CACNA2D1: variants seen among roughly 807,000 people sequenced by gnomAD.
The protein encoded by CACNA2D1 is calcium voltage-gated channel auxiliary subunit alpha2delta 1, also known as voltage-dependent calcium channel subunit alpha-2/delta-1.
Under a neutral mutation model 171.5 loss-of-function variants are expected in CACNA2D1, and 53 were observed. The ratio of observed to expected loss-of-function variants is 0.31; its 90% CI spans 0.25 to 0.39. CACNA2D1 has a LOEUF of 0.39. CACNA2D1 is among the 10% of genes least tolerant of loss of function. CACNA2D1 has a pLI of 1.00. For synonymous variants in CACNA2D1, 442 were observed against 443.1 expected (o/e 1.00, Z 0.03); for missense variants, 903 against 1,299.8 (o/e 0.69, Z 4.69).
At chr7:82,102,765 AC>A (rs2129037817) in intron 6 of CACNA2D1, among the ~76,000 whole-genome samples, 1 of 152,234 alleles carries the variant, frequency 6.6e-6, no homozygotes, top group African/African-American at 2.4e-5. Context: ...TGTCACTTCC[AC>A]CTATAACCAA....
chr7:82,328,772 C>T (rs1816942689), intron 3 of CACNA2D1, among the ~76,000 whole-genome samples: 1 of 152,146 alleles, frequency 6.6e-6, no homozygotes, highest in Non-Finnish European at 1.5e-5. Flanking sequence ...TACCAAACTT[C>T]ATGAAAATCC....
intron 38 of CACNA2D1, among the ~76,000 whole-genome samples, chr7:81,954,315 T>C (rs1792958151): frequency 1.3e-5 from 2 of 151,860 alleles, no homozygotes; most frequent in Admixed American, 1.3e-4. Context: ...TATATATATA[T>C]TTATTTTAAA....
At chr7:82,253,593 G>A (rs38557) in intron 3 of CACNA2D1, among the ~76,000 whole-genome samples, 113,464 of 152,088 alleles carry the variant, frequency 0.75, 43,485 homozygotes, top group African/African-American at 0.92. Context: ...GAGAAGTCTT[G>A]AGATACCGGC....
chr7:82,277,936 G>A (rs1435026333), intron 3 of CACNA2D1, among the ~76,000 whole-genome samples: 2 of 151,650 alleles, frequency 1.3e-5, no homozygotes, highest in Non-Finnish European at 2.9e-5. Flanking sequence ...AGTACAGAGA[G>A]GGTTTCACCA....
chr7:82,221,831 G>A (rs1801807491), intron 3 of CACNA2D1, among the ~76,000 whole-genome samples: 1 of 149,186 alleles, frequency 6.7e-6, no homozygotes, highest in Non-Finnish European at 1.5e-5. Context: ...TTCAAGATAA[G>A]TAATAAAATA....
chr7:82,049,848 AT>A (rs1335905281), intron 10 of CACNA2D1, among the ~76,000 whole-genome samples: 3 of 152,360 alleles, frequency 2.0e-5, no homozygotes, highest in Admixed American at 6.5e-5. Flanking sequence ...ATGGCTTTTG[AT>A]AAGACAAGAA....
At chr7:82,123,117 T>TA (rs1033992029) in intron 5 of CACNA2D1, among the ~76,000 whole-genome samples, 2 of 152,132 alleles carry the variant, frequency 1.3e-5, no homozygotes, top group Non-Finnish European at 2.9e-5. Flanking sequence ...TGTAAAGCAT[T>TA]AAAAATATAT....
intron 1 of CACNA2D1, among the ~76,000 whole-genome samples, chr7:82,363,690 C>A (rs571865544): frequency 8.7e-6 from 1 of 115,588 alleles, no homozygotes; most frequent in East Asian, 3.0e-4. Flanking sequence ...CAACTAAGGG[C>A]GAAATAAGTA....
chr7:81,970,102 T>C, intron 27 of CACNA2D1, 118 bp from the exon 28 acceptor site: 1 of 709,374 alleles, frequency 1.4e-6, no homozygotes, highest in Non-Finnish European at 2.6e-6. Context: ...TCTAAAGAAG[T>C]TAGTGGTAAT....
chr7:82,442,941 G>C (rs148842265), intron 1 of CACNA2D1, among the ~76,000 whole-genome samples: 10 of 152,318 alleles, frequency 6.6e-5, no homozygotes, highest in East Asian at 1.9e-4. Context: ...ACGCTACCTC[G>C]GCAAGCCTGA....
intron 3 of CACNA2D1, among the ~76,000 whole-genome samples, chr7:82,240,384 T>C (rs868006030): frequency 1.3e-5 from 2 of 152,328 alleles, no homozygotes; most frequent in Middle Eastern, 3.4e-3. Flanking sequence ...CCAGCAGGAA[T>C]TGAATTTCAA....
At chr7:82,327,523 A>G (rs1816800358) in intron 3 of CACNA2D1, among the ~76,000 whole-genome samples, 1 of 152,228 alleles carries the variant, frequency 6.6e-6, no homozygotes, top group Non-Finnish European at 1.5e-5. Flanking sequence ...AGTCTCAGTT[A>G]ATCAATTAAA....
intron 1 of CACNA2D1, among the ~76,000 whole-genome samples, chr7:82,378,982 T>C (rs1823359113): frequency 7.0e-6 from 1 of 142,590 alleles, no homozygotes; most frequent in South Asian, 2.2e-4. Flanking sequence ...TGTGTGTGTG[T>C]GTGTGTTATA....
chr7:82,310,437 A>G (rs1244825303), intron 3 of CACNA2D1, among the ~76,000 whole-genome samples: 1 of 152,048 alleles, frequency 6.6e-6, no homozygotes, highest in African/African-American at 2.4e-5. Flanking sequence ...ATGGGCATAG[A>G]AAGTTGAGGG....
At chr7:82,304,947 T>C (rs1739174221) in intron 3 of CACNA2D1, among the ~76,000 whole-genome samples, 1 of 152,130 alleles carries the variant, frequency 6.6e-6, no homozygotes, top group Non-Finnish European at 1.5e-5. Flanking sequence ...CGTTACACAT[T>C]CTATGCATGT....
intron 18 of CACNA2D1, among the ~76,000 whole-genome samples, chr7:82,003,874 T>G (rs1360170936): frequency 2.0e-5 from 3 of 151,604 alleles, no homozygotes; most frequent in Non-Finnish European, 4.4e-5. Context: ...GCCTCCCAAA[T>G]AGCTGGGATT....
At chr7:82,186,587 G>A (rs905829732) in intron 3 of CACNA2D1, among the ~76,000 whole-genome samples, 15 of 152,084 alleles carry the variant, frequency 9.9e-5, no homozygotes, top group South Asian at 2.1e-4. Flanking sequence ...GTACGAGGGC[G>A]TTACCATGTA....
In CACNA2D1 at chr7:82,066,633, G is replaced by A. The variant is rs1028012962; in HGVS notation, c.659-109C>T. On this transcript the variant is annotated intron_variant, in intron 7 of 38. Coordinates refer to ENST00000356860, the MANE Select transcript of CACNA2D1 (RefSeq NM_000722.4). The stretch of plus-strand genomic sequence containing the variant: ...GCAATAGATACATAATTTCACTTAC[G>A]TACTTCAATGTTCAAATGAGAGATA... 91 of 1,419,098 alleles carry A rather than the reference G, an allele frequency of 6.4e-5. 2 individuals are homozygous for A. In the South Asian group the frequency reaches 9.4e-4, roughly 15 times the overall value. The allele number at this position is 1,419,098 out of a possible 1,614,324, so 87.9% of individuals were successfully genotyped here. A position where few individuals can be genotyped will look rare whatever the true frequency, so the allele number is the denominator to read the frequency against.
intron 1 of CACNA2D1, among the ~76,000 whole-genome samples, chr7:82,442,782 C>A (rs74551350): frequency 0.013 from 1,942 of 152,230 alleles, 41 homozygotes; most frequent in African/African-American, 0.045. Context: ...TACCTGCGAG[C>A]CCCCTGCGTG....
Sources: gnomAD v4.1 joint callset for allele counts (sites outside exome capture counted in the v4.1 genomes callset) on GRCh38, gnomAD v4.1.1 for gene constraint, MANE v1.5 for transcripts, NCBI Gene and HGNC (gene_info 2026-07-23, HGNC 2026-07-21) for gene names.